The following ITCH variants were observed in gnomAD, a reference collection of about 807,000 sequenced individuals.
ITCH encodes the protein itchy E3 ubiquitin protein ligase.
Under a neutral mutation model 126.8 loss-of-function variants are expected in ITCH, and 28 were observed. The ratio of observed to expected loss-of-function variants is 0.22; its 90% CI spans 0.16 to 0.30. The LOEUF (loss-of-function observed/expected upper bound fraction) is 0.30. ITCH is among the 10% of genes least tolerant of loss of function. The pLI is 1.00. For synonymous variants in ITCH, 342 were observed against 340.0 expected (o/e 1.01, Z -0.06); for missense variants, 631 against 1,032.4 (o/e 0.61, Z 5.33).
chr20:34,502,083 A>G (rs1233868864), intron 23 of ITCH, among the ~76,000 whole-genome samples: 1 of 152,214 alleles, frequency 6.6e-6, no homozygotes, highest in Admixed American at 6.5e-5. Context: ...CATAGGTACA[A>G]AAGTCTACAC....
At chr20:34,390,489 T>C (rs1459793613) in intron 2 of ITCH, among the ~76,000 whole-genome samples, 1 of 149,774 alleles carries the variant, frequency 6.7e-6, no homozygotes, top group South Asian at 2.1e-4. Flanking sequence ...CTAGCTCTAT[T>C]GCCCAGGCTG....
rs375743367 is a variant in ITCH, at chr20:34,478,123, A to C, written c.1658+263A>C. Among the ~76,000 whole-genome samples the C allele has an allele frequency of 7.0e-4, 106 of 152,320 alleles. 1 individual carries two copies. Among genetic ancestry groups the C allele is most frequent in the African/African-American group, 2.5e-3 (103 of 41,562 alleles). On this transcript the variant is annotated intron_variant, in intron 17 of 24. Transcript: ENST00000374864. ...TTGTGATACAGAATTTTATAGGATG[A>C]TGAAGAGGCTTAGAGACTCACCTAA...
At position 34,470,035 on chromosome 20, in the gene ITCH, T is replaced by G. The variant is rs1568977181; in HGVS notation, c.1425-13T>G. 7 of 1,609,844 alleles carry G rather than the reference T, an allele frequency of 4.3e-6. No individual in the cohort carries two copies. The highest frequency in any genetic ancestry group is 6.0e-6 in the Non-Finnish European group (7 of 1,176,166). Reference sequence around the variant, plus strand: ...CAGCTATATATGTCCTGTTAACCCTTGTTCTTCCTCAGAGACAATGGACCT... The same window carrying G: ...CAGCTATATATGTCCTGTTAACCCTGGTTCTTCCTCAGAGACAATGGACCT... On this transcript the variant is annotated splice_polypyrimidine_tract_variant and intron_variant, in intron 14 of 24. Transcript: ENST00000374864.
intron 3 of ITCH, chr20:34,401,641 C>T: frequency 5.1e-6 from 5 of 982,028 alleles, no homozygotes; most frequent in Non-Finnish European, 6.0e-6. Flanking sequence ...GTTTTCTCAA[C>T]TAGACCTAGG....
chr20:34,418,203 A>T (rs1210599335), intron 6 of ITCH, among the ~76,000 whole-genome samples: 1 of 151,582 alleles, frequency 6.6e-6, no homozygotes, highest in East Asian at 1.9e-4. Flanking sequence ...GAGCTCAGGC[A>T]ATCCTCCTGC....
intron 3 of ITCH, among the ~76,000 whole-genome samples, chr20:34,401,027 C>T (rs748879000): frequency 2.8e-4 from 42 of 152,122 alleles, no homozygotes; most frequent in Non-Finnish European, 3.7e-4. Context: ...CCAAAGTTCT[C>T]GAATTACAGG....
chr20:34,481,293 A>C, intron 20 of ITCH, 87 bp downstream of exon 20: 1 of 1,352,038 alleles, frequency 7.4e-7, no homozygotes, highest in Non-Finnish European at 1.1e-6. Flanking sequence ...GAGTATCTCC[A>C]AAAATAGTAT....
intron 8 of ITCH, among the ~76,000 whole-genome samples, chr20:34,439,302 G>T (rs553433846): frequency 8.3e-4 from 126 of 151,920 alleles, no homozygotes; most frequent in South Asian, 2.3e-3. Context: ...TTGAGACAGG[G>T]TCTCACTCTG....
intron 14 of ITCH, among the ~76,000 whole-genome samples, chr20:34,464,732 A>G (rs1302861983): frequency 6.6e-6 from 1 of 150,438 alleles, no homozygotes; most frequent in South Asian, 2.1e-4. Context: ...TTTTTTGTAG[A>G]TAGAGTCTCA....
At chr20:34,374,554 T>C (rs969501123) in intron 2 of ITCH, among the ~76,000 whole-genome samples, 3 of 152,194 alleles carry the variant, frequency 2.0e-5, no homozygotes, top group African/African-American at 4.8e-5. Flanking sequence ...CTTAAAGTTA[T>C]GATCTGAGTT....
At position 34,411,453 on chromosome 20, in the gene ITCH, C is replaced by T. The variant is rs77318458; in HGVS notation, c.213-1062C>T. Among the ~76,000 whole-genome samples, 91 of 152,114 alleles carry T rather than the reference C, an allele frequency of 6.0e-4. 2 individuals carry two copies. In the East Asian group the frequency reaches 0.016, roughly 27 times the overall value. On this transcript the variant is annotated intron_variant, in intron 4 of 24. Coordinates refer to ENST00000374864, the MANE Select transcript of ITCH (RefSeq NM_031483.7). ...ACAGGCGTGAGCCATTGCGCCTGGC[C>T]GAGAAATATTTTCCTAATACAATAT...
chr20:34,500,329 A>G lies in ITCH; in HGVS notation c.2417-4002A>G, dbSNP rs904820259. ...TGTCTTTCCCTTTTAATATAATAATATTTCCTTTTTATATCTGGGTTCTTT... is the reference window on the plus strand; with the variant it reads ...TGTCTTTCCCTTTTAATATAATAATGTTTCCTTTTTATATCTGGGTTCTTT... On this transcript the variant is annotated intron_variant, in intron 23 of 24. Coordinates refer to ENST00000374864, the MANE Select transcript of ITCH (RefSeq NM_031483.7). Among the ~76,000 whole-genome samples the G allele has an allele frequency of 5.3e-4, 80 of 152,076 alleles. 3 individuals are homozygous for G. Among genetic ancestry groups the G allele is most frequent in the Non-Finnish European group, 5.9e-5 (4 of 67,998 alleles).
chr20:34,438,659 G>T (rs1349268193), intron 8 of ITCH, 28 bp downstream of exon 8: 12 of 1,612,290 alleles, frequency 7.4e-6, no homozygotes, highest in Non-Finnish European at 9.3e-6. Context: ...CAATACTCTT[G>T]GAAATAATGT....
At chr20:34,425,261 A>T (rs964832933) in intron 7 of ITCH, among the ~76,000 whole-genome samples, 3 of 152,200 alleles carry the variant, frequency 2.0e-5, no homozygotes, top group Non-Finnish European at 4.4e-5. Context: ...GCCATTCTCC[A>T]TTCTCGATTA....
chr20:34,426,165 C>A (rs543182420), intron 7 of ITCH, among the ~76,000 whole-genome samples: 2 of 152,290 alleles, frequency 1.3e-5, no homozygotes, highest in Non-Finnish European at 2.9e-5. Flanking sequence ...CCATTTGATT[C>A]TTTGTTTTTC....
intron 11 of ITCH, among the ~76,000 whole-genome samples, chr20:34,446,281 C>T (rs1984450475): frequency 1.3e-5 from 2 of 152,172 alleles, no homozygotes; most frequent in South Asian, 4.1e-4. Flanking sequence ...AATGCCCCCT[C>T]CATCACCATC....
intron 14 of ITCH, among the ~76,000 whole-genome samples, chr20:34,464,296 CTT>C (rs1335251611): frequency 1.5e-5 from 2 of 137,836 alleles, no homozygotes; most frequent in African/African-American, 2.6e-5. Flanking sequence ...CCTGTTTTTT[CTT>C]TTTTTTTTTT....
Position 34,474,437 on chromosome 20 carries a change from A to C in ITCH, c.1569+2922A>C, listed in dbSNP as rs974022713. 4.1e-4 allele frequency among the ~76,000 whole-genome samples: 63 copies of C among 152,238 alleles called. 1 individual carries two copies. Among genetic ancestry groups the C allele is most frequent in the Admixed American group, 2.2e-3 (33 of 15,278 alleles). On this transcript the variant is annotated intron_variant, in intron 16 of 24. Coordinates refer to ENST00000374864, the MANE Select transcript of ITCH (RefSeq NM_031483.7). ...TGCACCGCCCTTAATCCATTTAACC[A>C]TGAGTGGACGCAGCACATGTTTCAG... is the stretch of plus-strand genomic sequence containing the variant.
intron 3 of ITCH, among the ~76,000 whole-genome samples, chr20:34,397,370 G>A (rs2038715593): frequency 6.6e-6 from 1 of 152,120 alleles, no homozygotes; most frequent in African/African-American, 2.4e-5. Context: ...TGAGTCACTG[G>A]ATTTTCCTCA....
Sources: allele counts gnomAD v4.1 joint callset (sites outside exome capture counted in the v4.1 genomes callset), GRCh38; gene constraint gnomAD v4.1.1; transcripts MANE v1.5; gene names NCBI Gene and HGNC (gene_info 2026-07-23, HGNC 2026-07-21).